PRKG1: variants seen among roughly 807,000 people sequenced by gnomAD.
The protein encoded by PRKG1 is cGMP-dependent protein kinase 1.
In PRKG1, 35 loss-of-function variants were observed where a neutral mutation model predicts 88.1. That is an observed-to-expected ratio of 0.40 (90% CI 0.30 to 0.53). The LOEUF (loss-of-function observed/expected upper bound fraction) is 0.53. PRKG1 is among the 20% of genes least tolerant of loss of function. The pLI is 0.59. For missense variants in PRKG1, 540 were observed against 839.8 expected, an observed-to-expected ratio of 0.64 and a Z score of 4.41; for synonymous variants, 303 against 292.5, an observed-to-expected ratio of 1.04 and a Z score of -0.37.
intron 9 of PRKG1, among the ~76,000 whole-genome samples, chr10:52,197,101 A>C (rs945185336): frequency 6.6e-5 from 10 of 152,186 alleles, no homozygotes; most frequent in African/African-American, 1.2e-4. Context: ...GATGAAGCAG[A>C]TACAGATAAG....
chr10:51,849,110 A>G (rs542856778), intron 4 of PRKG1, among the ~76,000 whole-genome samples: 12 of 152,184 alleles, frequency 7.9e-5, no homozygotes, highest in South Asian at 4.2e-4. Context: ...GCTTTATCCA[A>G]TTATGTCTAC....
At chr10:51,047,616 C>T (rs1843506418) in intron 1 of PRKG1, among the ~76,000 whole-genome samples, 1 of 95,618 alleles carries the variant, frequency 1.0e-5, no homozygotes, top group Non-Finnish European at 2.2e-5. Flanking sequence ...GTTATTATTT[C>T]CAAAAAAAAA....
intron 3 of PRKG1, among the ~76,000 whole-genome samples, chr10:51,578,807 T>C (rs1404786577): frequency 6.6e-6 from 1 of 152,032 alleles, no homozygotes; most frequent in African/African-American, 2.4e-5. Context: ...GTGATTTTCT[T>C]TCTACTTTTT....
At chr10:51,006,913 G>C (rs1415229946) in intron 1 of PRKG1, among the ~76,000 whole-genome samples, 1 of 150,272 alleles carries the variant, frequency 6.7e-6, no homozygotes, top group Non-Finnish European at 1.5e-5. Context: ...TTCTGATTCA[G>C]TAGGTCTGGG....
chr10:51,036,910 T>C (rs904273020), intron 1 of PRKG1, among the ~76,000 whole-genome samples: 17 of 152,162 alleles, frequency 1.1e-4, no homozygotes, highest in African/African-American at 3.9e-4. Context: ...GATTGGTGCA[T>C]CCACTTCCTC....
intron 2 of PRKG1, among the ~76,000 whole-genome samples, chr10:51,328,473 T>A (rs761922108): frequency 3.3e-5 from 5 of 152,244 alleles, no homozygotes; most frequent in Non-Finnish European, 7.3e-5. Flanking sequence ...ATACTAATTT[T>A]ATTTCCTTTG....
chr10:51,118,147 C>T (rs1320377308), intron 1 of PRKG1, among the ~76,000 whole-genome samples: 1 of 53,366 alleles, frequency 1.9e-5, no homozygotes, highest in Non-Finnish European at 5.7e-5. Context: ...TTTCAGGACA[C>T]AGTTAAGAGC....
At chr10:51,860,503 A>C (rs1272744512) in intron 4 of PRKG1, among the ~76,000 whole-genome samples, 1 of 152,196 alleles carries the variant, frequency 6.6e-6, no homozygotes, top group Non-Finnish European at 1.5e-5. Context: ...GGCCATACCC[A>C]GTTTCCAAAC....
At position 52,295,989 on chromosome 10, in the gene PRKG1, T is replaced by A. The variant is rs550454018; in HGVS notation, c.*2089T>A. The A allele has an allele frequency of 2.6e-5, 4 of 152,000 alleles. No individual in the cohort carries two copies. Among genetic ancestry groups the A allele is most frequent in the African/African-American group, 9.7e-5 (4 of 41,436 alleles). The allele number at this position is 152,000 out of a possible 1,614,324, so 9.4% of individuals were successfully genotyped here. A position where few individuals can be genotyped will look rare whatever the true frequency, so the allele number is the denominator to read the frequency against. On this transcript the variant is annotated 3_prime_UTR_variant, in exon 18 of 18. Coordinates refer to ENST00000373980, the MANE Select transcript of PRKG1 (RefSeq NM_006258.4). ...ATTTTAGAATATAAAATTAAACATA[T>A]CAACCTAAAATCTAGCTATGAATGT... is the stretch of plus-strand genomic sequence containing the variant.
chr10:51,564,632 T>G (rs1240068748), intron 3 of PRKG1, among the ~76,000 whole-genome samples: 1 of 152,058 alleles, frequency 6.6e-6, no homozygotes, highest in Non-Finnish European at 1.5e-5. Context: ...TTCAAGATAT[T>G]AAGTGTTTTT....
chr10:51,736,376 G>A (rs573763242), intron 3 of PRKG1, among the ~76,000 whole-genome samples: 157 of 152,160 alleles, frequency 1.0e-3, no homozygotes, highest in African/African-American at 3.6e-3. Flanking sequence ...TCAGCCTCCC[G>A]AAGTGTTGGG....
At chr10:51,311,681 C>A (rs554123124) in intron 2 of PRKG1, among the ~76,000 whole-genome samples, 4 of 152,246 alleles carry the variant, frequency 2.6e-5, no homozygotes, top group Non-Finnish European at 4.4e-5. Flanking sequence ...TTCAACCAAC[C>A]AAATTTGCTT....
intron 3 of PRKG1, among the ~76,000 whole-genome samples, chr10:51,618,771 T>G (rs1023365880): frequency 2.0e-5 from 3 of 151,796 alleles, no homozygotes; most frequent in African/African-American, 7.3e-5. Flanking sequence ...TATTATGTAT[T>G]TATTTATTTA....
At chr10:52,054,624 A>G in intron 6 of PRKG1, 63 bp downstream of exon 6, 4 of 1,334,448 alleles carry the variant, frequency 3.0e-6, no homozygotes, top group Admixed American at 3.4e-5. Context: ...TAGTAACTCC[A>G]GTAGGAACAC....
chr10:51,213,727 T>C (rs898625235), intron 2 of PRKG1, among the ~76,000 whole-genome samples: 3 of 152,138 alleles, frequency 2.0e-5, no homozygotes, highest in African/African-American at 4.8e-5. Flanking sequence ...AAACTGAATC[T>C]TTGGTTCTTC....
At chr10:51,408,962 A>G (rs1443635159) in intron 2 of PRKG1, among the ~76,000 whole-genome samples, 1 of 152,126 alleles carries the variant, frequency 6.6e-6, no homozygotes, top group African/African-American at 2.4e-5. Context: ...TTTGCCGCCA[A>G]TTTTCCAATC....
In PRKG1 at chr10:51,907,717, T is replaced by A. The variant is rs1045600499; in HGVS notation, c.762+147T>A. 2.0e-5 allele frequency: 11 copies of A among 559,994 alleles called. No homozygotes were observed. The African/African-American group carries it at 2.1e-4, about 11-fold the overall frequency. 34.7% of individuals were successfully genotyped at this position (559,994 alleles called of 1,614,324 possible). A position where few individuals can be genotyped will look rare whatever the true frequency, so the allele number is the denominator to read the frequency against. On this transcript the variant is annotated intron_variant, in intron 5 of 17. Transcript: ENST00000373980. Reference sequence around the variant, plus strand: ...GGGATGAGCTATATATTTGGCTTCGTATAGAAAGCAGCTTATCATGTCTGA... The same window carrying A: ...GGGATGAGCTATATATTTGGCTTCGAATAGAAAGCAGCTTATCATGTCTGA...
At chr10:51,671,067 T>C (rs889533691) in intron 3 of PRKG1, among the ~76,000 whole-genome samples, 1 of 152,208 alleles carries the variant, frequency 6.6e-6, no homozygotes, top group African/African-American at 2.4e-5. Context: ...GGATAATTCA[T>C]GTGCTTTCTA....
intron 7 of PRKG1, among the ~76,000 whole-genome samples, chr10:52,086,121 G>A (rs1242737653): frequency 6.6e-6 from 1 of 151,410 alleles, no homozygotes; most frequent in Non-Finnish European, 1.5e-5. Context: ...TTTCTGTTTT[G>A]AATGTGTACT....
Sources: allele counts gnomAD v4.1 joint callset (sites outside exome capture counted in the v4.1 genomes callset), GRCh38; gene constraint gnomAD v4.1.1; transcripts MANE v1.5; gene names NCBI Gene and HGNC (gene_info 2026-07-23, HGNC 2026-07-21).